The following DAB1 variants were observed in gnomAD, a reference collection of about 807,000 sequenced individuals.
DAB1 encodes disabled homolog 1.
A neutral mutation model predicts 64.6 loss-of-function variants in DAB1; 15 were observed. The ratio of observed to expected loss-of-function variants is 0.23; its 90% CI spans 0.16 to 0.36. The LOEUF is 0.36. Among genes scored for constraint, DAB1 ranks in the 10% least tolerant of loss-of-function variants. The pLI, the probability that DAB1 is intolerant of heterozygous loss-of-function variation, is 1.00. For synonymous variants in DAB1, 235 were observed against 251.9 expected, an observed-to-expected ratio of 0.93 and a Z score of 0.64; for missense variants, 596 against 706.7, an observed-to-expected ratio of 0.84 and a Z score of 1.78.
intron 6 of DAB1, among the ~76,000 whole-genome samples, chr1:57,696,041 G>A (rs1646841221): frequency 6.6e-6 from 1 of 152,156 alleles, no homozygotes; most frequent in Non-Finnish European, 1.5e-5. Context: ...TTTGTTTGAT[G>A]AGCACAATTT....
chr1:57,135,082 A>G (rs1210922103), intron 4 of DAB1, among the ~76,000 whole-genome samples: 1 of 152,128 alleles, frequency 6.6e-6, no homozygotes, highest in African/African-American at 2.4e-5. Flanking sequence ...ACACCTAGCT[A>G]TTTTTTATTT....
chr1:58,374,392 A>C (rs374938958), intron 3 of DAB1, among the ~76,000 whole-genome samples: 39 of 141,124 alleles, frequency 2.8e-4, no homozygotes, highest in East Asian at 1.3e-3. Context: ...TCAGCTTTCT[A>C]CATATGGCTA....
chr1:57,389,703 T>A (rs1386077521), intron 1 of DAB1, among the ~76,000 whole-genome samples: 1 of 152,160 alleles, frequency 6.6e-6, no homozygotes, highest in East Asian at 1.9e-4. Flanking sequence ...ATGGGTACAA[T>A]TTGTGACCAA....
At chr1:57,091,966 C>A (rs1472015963) in intron 4 of DAB1, among the ~76,000 whole-genome samples, 1 of 152,166 alleles carries the variant, frequency 6.6e-6, no homozygotes, top group Non-Finnish European at 1.5e-5. Context: ...GGATTTGAAT[C>A]CAGGTCTGTC....
intron 5 of DAB1, among the ~76,000 whole-genome samples, chr1:57,972,632 T>C (rs1645826199): frequency 6.6e-6 from 1 of 152,226 alleles, no homozygotes; most frequent in Non-Finnish European, 1.5e-5. Flanking sequence ...TAAGTATAAC[T>C]AGTTATATCA....
intron 6 of DAB1, among the ~76,000 whole-genome samples, chr1:57,704,546 G>T (rs3131780): frequency 0.4 from 60,807 of 151,958 alleles, 12,871 homozygotes; most frequent in African/African-American, 0.55. Flanking sequence ...AAAGGAACCT[G>T]GATAGCTTCC....
At position 57,143,908 on chromosome 1, in the gene DAB1, T is replaced by TTATGTA. The variant is rs144195420; in HGVS notation, c.207+1376_207+1381dup. 7.4e-4 allele frequency among the ~76,000 whole-genome samples: 113 copies of TTATGTA among 151,734 alleles called. 1 individual carries two copies. Among genetic ancestry groups the TTATGTA allele is most frequent in the East Asian group, 7.7e-4 (4 of 5,174 alleles). On this transcript the variant is annotated intron_variant, in intron 3 of 14. Coordinates refer to ENST00000371236, the MANE Select transcript of DAB1 (RefSeq NM_001365792.1). ...GTCTTCATGGGCTATTTGAAGATGTTTATGTATATGTATATGTATATATAT... is the reference window on the plus strand; with the variant it reads ...GTCTTCATGGGCTATTTGAAGATGTTTATGTATATGTATATGTATATGTATATATAT...
At chr1:57,695,369 A>AAAGAAAGAAAGAAAGAAAGAAAGAAAG (rs1646822809) in intron 6 of DAB1, among the ~76,000 whole-genome samples, 1 of 48,656 alleles carries the variant, frequency 2.1e-5, no homozygotes, top group Non-Finnish European at 3.7e-5. Flanking sequence ...AAGAAGAAAG[A>AAAGAAAGAAAGAAAGAAAGAAAGAAAG]AAGAAAGAAA....
chr1:57,235,716 A>AAC (rs1473735551), intron 2 of DAB1, among the ~76,000 whole-genome samples: 2 of 151,784 alleles, frequency 1.3e-5, no homozygotes, highest in African/African-American at 4.8e-5. Flanking sequence ...TTAAAAAAGA[A>AAC]AAAAAAACAA....
At chr1:58,260,887 T>C (rs1661032700) in intron 4 of DAB1, among the ~76,000 whole-genome samples, 1 of 152,168 alleles carries the variant, frequency 6.6e-6, no homozygotes, top group South Asian at 2.1e-4. Flanking sequence ...ATTATCCCTT[T>C]GCTTCCCTGG....
chr1:57,496,590 A>G (rs1036717629), intron 7 of DAB1, among the ~76,000 whole-genome samples: 2 of 152,210 alleles, frequency 1.3e-5, no homozygotes, highest in Non-Finnish European at 2.9e-5. Flanking sequence ...CAAACATTAA[A>G]ATAGACTCAG....
At chr1:58,419,258 G>A (rs1214087874) in intron 3 of DAB1, among the ~76,000 whole-genome samples, 1 of 152,176 alleles carries the variant, frequency 6.6e-6, no homozygotes, top group African/African-American at 2.4e-5. Flanking sequence ...TGCAACTTAA[G>A]AAGTATGAAA....
intron 3 of DAB1, among the ~76,000 whole-genome samples, chr1:57,137,519 G>A (rs1221197708): frequency 6.6e-6 from 1 of 152,154 alleles, no homozygotes; most frequent in Non-Finnish European, 1.5e-5. Context: ...CCAGTTGCAG[G>A]AAAGCATGGG....
rs539973022 is a variant in DAB1, at chr1:58,438,689, T to G, written n.257+67371A>C. On this transcript the variant is annotated intron_variant and non_coding_transcript_variant, in intron 3 of 20. Transcript: ENST00000485760. ...AGCCAGCAGTGTCTGGACATTCACA[T>G]GCTCCTCAGGTGTCCAGTGCCAGTG... 2.4e-4 allele frequency among the ~76,000 whole-genome samples: 36 copies of G among 152,312 alleles called. No individual in the cohort carries two copies. In the East Asian group the frequency reaches 7.0e-3, roughly 29 times the overall value.
intron 6 of DAB1, among the ~76,000 whole-genome samples, chr1:57,760,628 A>ATT (rs1557465380): frequency 2.7e-5 from 4 of 148,802 alleles, no homozygotes; most frequent in African/African-American, 9.9e-5. Flanking sequence ...TCTCACACAC[A>ATT]CACACACACA....
intron 4 of DAB1, among the ~76,000 whole-genome samples, chr1:57,132,284 ATAAC>A (rs1657708550): frequency 6.6e-6 from 1 of 152,158 alleles, no homozygotes; most frequent in Non-Finnish European, 1.5e-5. Flanking sequence ...TGTGCACAAA[ATAAC>A]TAAGGCATAG....
intron 2 of DAB1, among the ~76,000 whole-genome samples, chr1:57,254,848 AACACACACACATACAC>A (rs1424328582): frequency 5.3e-5 from 8 of 152,030 alleles, no homozygotes; most frequent in Non-Finnish European, 1.0e-4. Flanking sequence ...CTCATCTCCA[AACACACACACATACAC>A]ACACACACAC....
chr1:57,530,899 C>T (rs1299047025), intron 7 of DAB1, among the ~76,000 whole-genome samples: 6 of 152,094 alleles, frequency 3.9e-5, no homozygotes, highest in Non-Finnish European at 1.5e-5. Context: ...GACCTGGGGC[C>T]CAGGTTCAAG....
intron 5 of DAB1, among the ~76,000 whole-genome samples, chr1:57,904,513 T>C (rs981686242): frequency 2.6e-5 from 4 of 151,872 alleles, no homozygotes; most frequent in African/African-American, 9.7e-5. Context: ...ACAAGAAAAC[T>C]GAAAATGGTA....
Sources: gnomAD v4.1 joint callset for allele counts (sites outside exome capture counted in the v4.1 genomes callset) on GRCh38, gnomAD v4.1.1 for gene constraint, MANE v1.5 for transcripts, NCBI Gene and HGNC (gene_info 2026-07-23, HGNC 2026-07-21) for gene names.